SIX2: variants seen among roughly 807,000 people sequenced by gnomAD.
SIX2 encodes the protein SIX homeobox 2.
In SIX2, 20 loss-of-function variants were observed where a neutral mutation model predicts 22.8. The observed-to-expected ratio is 0.88, with a 90% CI of 0.62 to 1.28. The LOEUF is 1.28. Among genes scored for constraint, SIX2 ranks in the 50% most tolerant of loss-of-function variants. The probability of loss-of-function intolerance (pLI) is 0.00; values close to 1 mark genes in which losing one functional copy is unlikely to be tolerated. For missense variants in SIX2, 360 were observed against 400.0 expected (o/e 0.90, Z 0.85); for synonymous variants, 195 against 186.4 (o/e 1.05, Z -0.37).
chr2:45,008,534 G>A lies in SIX2; in HGVS notation c.560+17C>T. On this transcript the variant is annotated intron_variant, in intron 1 of 1. Coordinates refer to ENST00000303077, the MANE Select transcript of SIX2 (RefSeq NM_016932.5). ...GCCCCGGGGAGCTGGCGCCGAAGAA[G>A]GTCTACTTACTCGTACCTTTCCTTG... is the stretch of plus-strand genomic sequence containing the variant. The A allele has an allele frequency of 3.7e-6, 6 of 1,612,090 alleles. No homozygotes were observed. The highest frequency in any genetic ancestry group is 5.1e-6 in the Non-Finnish European group (6 of 1,179,522).
chr2:45,007,451 C>T (rs1667787554), intron 1 of SIX2, among the ~76,000 whole-genome samples: 1 of 152,118 alleles, frequency 6.6e-6, no homozygotes, highest in Non-Finnish European at 1.5e-5. Flanking sequence ...TTTCTGCTTT[C>T]CTGGGAGGGA....
intron 1 of SIX2, 57 bp downstream of exon 1, chr2:45,008,494 G>A (rs1667808966): frequency 6.4e-7 from 1 of 1,573,382 alleles, no homozygotes; most frequent in Non-Finnish European, 8.7e-7. Flanking sequence ...GAAGCCCTGC[G>A]AACCCCTCCC....
At chr2:45,007,598 G>A (rs1667789912) in intron 1 of SIX2, among the ~76,000 whole-genome samples, 1 of 152,024 alleles carries the variant, frequency 6.6e-6, no homozygotes, top group Admixed American at 6.5e-5. Flanking sequence ...CTCTGACCCT[G>A]ATCATTCAAA....
chr2:45,006,634 C>G lies in SIX2; in HGVS notation c.561-149G>C, dbSNP rs1198975178. On this transcript the variant is annotated intron_variant, in intron 1 of 1. Coordinates refer to ENST00000303077, the MANE Select transcript of SIX2 (RefSeq NM_016932.5). The surrounding 1 kb of genome is among the most constrained non-coding windows in gnomAD (Gnocchi z 4.2). The stretch of plus-strand genomic sequence containing the variant: ...GTGTTTTCGGTTTCTACCATTTCCT[C>G]GACCTGGTCTGGGTTCTCCTTTCTG... 3.9e-6 allele frequency: 3 copies of G among 774,068 alleles called. No individual in the cohort carries two copies. The highest frequency in any genetic ancestry group is 6.7e-6 in the Non-Finnish European group (3 of 447,644). The allele number at this position is 774,068 out of a possible 1,614,324, so 47.9% of individuals were successfully genotyped here.
intron 1 of SIX2, among the ~76,000 whole-genome samples, 178 bp downstream of exon 1, chr2:45,008,373 C>T (rs1667806317): frequency 6.6e-6 from 1 of 152,274 alleles, no homozygotes; most frequent in South Asian, 2.1e-4. Context: ...AATCCCTGCT[C>T]GCCGGGTCTC....
At position 45,005,238 on chromosome 2, in the gene SIX2, G is replaced by A. The variant is rs878866616; in HGVS notation, c.*932C>T. ...TTTCTAATTTTATTATAAAATAAAA[G>A]CAGAAATATTTCCCGAAGAACATTC... is the stretch of plus-strand genomic sequence containing the variant. On this transcript the variant is annotated 3_prime_UTR_variant, in exon 2 of 2. Coordinates refer to ENST00000303077, the MANE Select transcript of SIX2 (RefSeq NM_016932.5). 5 of 152,248 alleles carry A rather than the reference G, an allele frequency of 3.3e-5. No individual in the cohort carries two copies. The South Asian group carries it at 8.3e-4, about 25-fold the overall frequency. 9.4% of individuals were successfully genotyped at this position (152,248 alleles called of 1,614,324 possible).
Position 45,009,135 on chromosome 2 carries a change from CCG to C in SIX2, c.-27_-26del, listed in dbSNP as rs771892913. On this transcript the variant is annotated 5_prime_UTR_variant, in exon 1 of 2. Transcript: ENST00000303077. Reference sequence around the variant, plus strand: ...TGGTGCCGGCTGCGTCCCCGCCCGCCCGCGCGCGCCCTCACCGGGCCGCGCGG... The same window carrying C: ...TGGTGCCGGCTGCGTCCCCGCCCGCCCGCGCGCCCTCACCGGGCCGCGCGG... 129 of 1,523,556 alleles carry C rather than the reference CCG, an allele frequency of 8.5e-5. No homozygotes were observed. In the African/African-American group the frequency reaches 1.5e-3, roughly 17 times the overall value. The allele number at this position is 1,523,556 out of a possible 1,614,324, so 94.4% of individuals were successfully genotyped here.
At chr2:45,007,545 C>T (rs1175735584) in intron 1 of SIX2, among the ~76,000 whole-genome samples, 1 of 152,066 alleles carries the variant, frequency 6.6e-6, no homozygotes, top group Non-Finnish European at 1.5e-5. Flanking sequence ...GTATCTGAGC[C>T]TGCAGCACTC....
Position 45,009,075 on chromosome 2 carries a change from C to A in SIX2, c.36G>T (p.Glu12Asp), listed in dbSNP as rs1279326999. The change falls in exon 1 of 2, where the codon GAG becomes GAT. Residue 12 changes from glutamate (E) to aspartate (D), a missense_variant. Physicochemically the swap from Glu to Asp is conservative, Grantham distance 45 (BLOSUM62 2). Around this residue, in one of 3 missense-constraint regions of SIX2, gnomAD observed 118 missense variants for 135.1 expected, o/e 0.87. Transcript: ENST00000303077. ...GCACCTCGCACACGCACGCCACTTG[C>A]TCCTGCGTGAAGCCGAAGGTGGGCA... ...SMLPTFGFTQ[E>D]QVACVCEVLQ... The A allele has an allele frequency of 2.5e-6, 4 of 1,597,584 alleles. No homozygotes were observed. In the Admixed American group the frequency reaches 5.1e-5, roughly 20 times the overall value.
At position 45,006,366 on chromosome 2, in the gene SIX2, G is replaced by C; in HGVS notation, c.680C>G (p.Ser227Cys). ...TPSGTPDHSS[S>C]SPALLLSPPP... ...CGGGCTGAGGAGCAGTGCGGGGCTG[G>C]ATGATGAGTGGTCTGGCGTCCCCGA... is the stretch of plus-strand genomic sequence containing the variant. Residue 227 changes from serine to cysteine, a missense_variant, in exon 2 of 2, where the codon TCC (serine) becomes TGC (cysteine). Around this residue, in one of 3 missense-constraint regions of SIX2, gnomAD observed 235 missense variants for 231.9 expected, o/e 1.01. Coordinates refer to ENST00000303077, the MANE Select transcript of SIX2 (RefSeq NM_016932.5). This position sits in a 1 kb window ranked among gnomAD's most constrained non-coding sequence, Gnocchi z 4.2. 3.7e-6 allele frequency: 6 copies of C among 1,614,218 alleles called. No homozygotes were observed. Among genetic ancestry groups the C allele is most frequent in the Non-Finnish European group, 4.2e-6 (5 of 1,180,040 alleles).
rs1476378907 is a variant in SIX2 at position 45,005,352 on chromosome 2, A to AGC, written c.*816_*817dup. ...CTGTAGTCACAGTCCCGGGAGGAAG[A>AGC]GCGCGGTGTGGCGGGGCCTCGCCAA... On this transcript the variant is annotated 3_prime_UTR_variant, in exon 2 of 2. Transcript: ENST00000303077. 1.3e-5 allele frequency: 2 copies of AGC among 152,172 alleles called. No individual in the cohort carries two copies. The highest frequency in any genetic ancestry group is 2.4e-5 in the African/African-American group (1 of 41,418). The allele number at this position is 152,172 out of a possible 1,614,324, so 9.4% of individuals were successfully genotyped here. A position where few individuals can be genotyped will look rare whatever the true frequency, so the allele number is the denominator to read the frequency against.
At position 45,006,578 on chromosome 2, in the gene SIX2, G is replaced by T. The variant is rs929495711; in HGVS notation, c.561-93C>A. 8.1e-7 allele frequency: 1 copy of T among 1,227,242 alleles called. No homozygotes were observed. Among genetic ancestry groups the T allele is most frequent in the Non-Finnish European group, 1.2e-6 (1 of 841,110 alleles). 76.0% of individuals were successfully genotyped at this position (1,227,242 alleles called of 1,614,324 possible). ...ACAGTCAGAGCCAGCCACCAGCCTCGGGAGACAGATCCCGGGCTTGTGGCC... is the reference window on the plus strand; with the variant it reads ...ACAGTCAGAGCCAGCCACCAGCCTCTGGAGACAGATCCCGGGCTTGTGGCC... On this transcript the variant is annotated intron_variant, in intron 1 of 1. Transcript: ENST00000303077. The surrounding 1 kb of genome is among the most constrained non-coding windows in gnomAD (Gnocchi z 4.2).
At chr2:45,008,115 C>T (rs942161624) in intron 1 of SIX2, among the ~76,000 whole-genome samples, 1 of 152,210 alleles carries the variant, frequency 6.6e-6, no homozygotes, top group Non-Finnish European at 1.5e-5. Flanking sequence ...CCCCATCACA[C>T]TTTGGCCTGG....
chr2:45,006,519 A>G lies in SIX2; in HGVS notation c.561-34T>C. The stretch of plus-strand genomic sequence containing the variant: ...GCGGGAGCAAAGCAGCGGGGTCAGC[A>G]GGGACATCGAGACCACCCAGCGCCA... On this transcript the variant is annotated intron_variant, in intron 1 of 1. Transcript: ENST00000303077. This position sits in a 1 kb window ranked among gnomAD's most constrained non-coding sequence, Gnocchi z 4.2. The G allele has an allele frequency of 1.9e-6, 3 of 1,594,856 alleles. No individual in the cohort carries two copies. Among genetic ancestry groups the G allele is most frequent in the Middle Eastern group, 1.7e-4 (1 of 6,038 alleles).
chr2:45,008,722 C>T lies in SIX2; in HGVS notation c.389G>A (p.Cys130Tyr). Residue 130 changes from cysteine to tyrosine, a missense_variant, in exon 1 of 2, where the codon TGC (cysteine) becomes TAC (tyrosine). Physicochemically the swap from Cys to Tyr is radical, Grantham distance 194. Transcript: ENST00000303077. ...CACGCTGCGACTCTTTTCCTTGAAG[C>T]AGTAGCTGGTCTCCTCGCCGTCCCA... Reference protein sequence around the residue: ...SIWDGEETSYCFKEKSRSVLR... With the variant: ...SIWDGEETSYYFKEKSRSVLR... The T allele has an allele frequency of 1.2e-6, 2 of 1,614,072 alleles. No homozygotes were observed. The highest frequency in any genetic ancestry group is 1.1e-5 in the South Asian group (1 of 91,090).
chr2:45,009,152 G>C lies in SIX2; in HGVS notation c.-42C>G, dbSNP rs1486519672. 2 of 1,484,200 alleles carry C rather than the reference G, an allele frequency of 1.3e-6. No individual in the cohort carries two copies. Among genetic ancestry groups the C allele is most frequent in the African/African-American group, 1.4e-5 (1 of 70,070 alleles). The allele number at this position is 1,484,200 out of a possible 1,614,324, so 91.9% of individuals were successfully genotyped here. A position where few individuals can be genotyped will look rare whatever the true frequency, so the allele number is the denominator to read the frequency against. On this transcript the variant is annotated 5_prime_UTR_variant, in exon 1 of 2. Transcript: ENST00000303077. ...CCGCCCGCCCGCGCGCGCCCTCACC[G>C]GGCCGCGCGGTCCCGCATGGGAGCT...
rs1196991091 is a variant in SIX2 at position 45,006,952 on chromosome 2, G to A, written c.561-467C>T. ...TAAGGAACCCTGGATCCCAGGTCAA[G>A]GGATTTAGGGCCTCTCACAAGACTT... On this transcript the variant is annotated intron_variant, in intron 1 of 1. Transcript: ENST00000303077. The surrounding 1 kb of genome is among the most constrained non-coding windows in gnomAD (Gnocchi z 4.2). Among the ~76,000 whole-genome samples, 1 of 152,206 alleles carries A rather than the reference G, an allele frequency of 6.6e-6. No homozygotes were observed. The highest frequency in any genetic ancestry group is 1.5e-5 in the Non-Finnish European group (1 of 68,030).
rs149963762 is a variant in SIX2, at chr2:45,008,565, G to C, written c.546C>G (p.Ala182=). ...FKNRRQRDRA[A]EAKERENNEN... ...CTTACTCGTACCTTTCCTTGGCCTCGGCCGCCCGGTCGCGCTGCCGCCGGT... is the reference window on the plus strand; with the variant it reads ...CTTACTCGTACCTTTCCTTGGCCTCCGCCGCCCGGTCGCGCTGCCGCCGGT... The change falls in exon 1 of 2, where the codon GCC becomes GCG. Residue 182 remains alanine, a synonymous_variant. Coordinates refer to ENST00000303077, the MANE Select transcript of SIX2 (RefSeq NM_016932.5). 90 of 1,613,806 alleles carry C rather than the reference G, an allele frequency of 5.6e-5. No homozygotes were observed. In the African/African-American group the frequency reaches 1.1e-3, roughly 20 times the overall value.
Position 45,008,635 on chromosome 2 carries a change from T to C in SIX2, c.476A>G (p.Glu159Gly), listed in dbSNP as rs1214390648. 1.9e-6 allele frequency: 3 copies of C among 1,613,920 alleles called. No individual in the cohort carries two copies. The African/African-American group carries it at 4.0e-5, about 22-fold the overall frequency. ...CTGTGTGGTGGTGAGGCCCGTGGCC[T>C]CCGCCAGCTCACGCTTCTCGCGGGG... is the stretch of plus-strand genomic sequence containing the variant. ...PSPREKRELA[E>G]ATGLTTTQVS... The change falls in exon 1 of 2, where the codon GAG becomes GGG. Residue 159 changes from glutamate (E) to glycine (G), a missense_variant. Transcript: ENST00000303077.
Sources: allele counts gnomAD v4.1 joint callset (sites outside exome capture counted in the v4.1 genomes callset), GRCh38; gene constraint gnomAD v4.1.1; regional missense constraint gnomAD v4.1.1; non-coding constraint Gnocchi (gnomAD v3.1); transcripts MANE v1.5; gene names NCBI Gene and HGNC (gene_info 2026-07-23, HGNC 2026-07-21).